The following SENP2 variants were observed in gnomAD, a reference collection of about 807,000 sequenced individuals.
SENP2 encodes the protein sentrin-specific protease 2.
A neutral mutation model predicts 86.3 loss-of-function variants in SENP2; 16 were observed. The observed-to-expected ratio is 0.19, with a 90% confidence interval of 0.13 to 0.28. The LOEUF (loss-of-function observed/expected upper bound fraction) is 0.28. Ranked by LOEUF, SENP2 falls within the 10% of genes least tolerant of loss-of-function variation. The pLI, the probability that SENP2 is intolerant of heterozygous loss-of-function variation, is 1.00. For missense variants in SENP2, 552 were observed against 703.0 expected (o/e 0.79, Z 2.43); for synonymous variants, 222 against 238.7 (o/e 0.93, Z 0.64).
In SENP2 at chr3:185,631,699, C is replaced by T. The variant is rs1355415934; in HGVS notation, c.*1855C>T. On this transcript the variant is annotated 3_prime_UTR_variant, in exon 17 of 17. Coordinates refer to ENST00000296257, the MANE Select transcript of SENP2 (RefSeq NM_021627.3). ...CAGGTAATGAGCACAGCCAAAAAGG[C>T]CAGAGGTTCACTAGGTCAGCATCAT... 7.8e-6 allele frequency: 1 copy of T among 128,190 alleles called. No individual in the cohort carries two copies. The highest frequency in any genetic ancestry group is 3.0e-5 in the African/African-American group (1 of 32,952). The allele number at this position is 128,190 out of a possible 1,614,324, so 7.9% of individuals were successfully genotyped here.
chr3:185,597,873 C>T (rs2148983178), intron 2 of SENP2, among the ~76,000 whole-genome samples: 1 of 151,970 alleles, frequency 6.6e-6, no homozygotes, highest in East Asian at 1.9e-4. Context: ...AGGCTGGTCT[C>T]CAACTCCTGA....
chr3:185,604,132 T>A (rs978200397), intron 5 of SENP2, among the ~76,000 whole-genome samples: 18 of 152,260 alleles, frequency 1.2e-4, no homozygotes, highest in African/African-American at 4.1e-4. Context: ...AAAAAATAAA[T>A]AAATAAATAA....
chr3:185,621,386 C>CTTTTT (rs1220771289), intron 13 of SENP2, among the ~76,000 whole-genome samples: 26 of 78,770 alleles, frequency 3.3e-4, no homozygotes, highest in Non-Finnish European at 4.2e-4. Context: ...TCTTTTTTTT[C>CTTTTT]TTTTTTTTTT....
intron 10 of SENP2, 70 bp downstream of exon 10, chr3:185,613,478 A>G: frequency 1.1e-6 from 1 of 911,552 alleles, no homozygotes; most frequent in Non-Finnish European, 1.8e-6. Context: ...GCCCATGAAA[A>G]GCAAGAAAAA....
rs1712524781 is a variant in SENP2 at position 185,632,408 on chromosome 3, T to A, written c.*2564T>A. 6.6e-6 allele frequency: 1 copy of A among 150,612 alleles called. No individual in the cohort carries two copies. Among genetic ancestry groups the A allele is most frequent in the Non-Finnish European group, 1.5e-5 (1 of 67,866 alleles). The allele number at this position is 150,612 out of a possible 1,614,324, so 9.3% of individuals were successfully genotyped here. A position where few individuals can be genotyped will look rare whatever the true frequency, so the allele number is the denominator to read the frequency against. ...CACCACCACACCCTGCTAATTTTTG[T>A]ACTTTTAGTAGAGATGGGGTTTCGC... On this transcript the variant is annotated 3_prime_UTR_variant, in exon 17 of 17. Coordinates refer to ENST00000296257, the MANE Select transcript of SENP2 (RefSeq NM_021627.3).
intron 13 of SENP2, among the ~76,000 whole-genome samples, chr3:185,621,095 T>C (rs1711845527): frequency 7.2e-6 from 1 of 138,330 alleles, no homozygotes; most frequent in Admixed American, 8.2e-5. Flanking sequence ...AGGTCGAGGC[T>C]GCAGTGAGCC....
chr3:185,600,882 G>A (rs762554615), intron 5 of SENP2, 27 bp downstream of exon 5: 1 of 1,498,816 alleles, frequency 6.7e-7, no homozygotes, highest in Non-Finnish European at 9.3e-7. Flanking sequence ...TTCTGTAAAT[G>A]GAAACTTAGC....
intron 2 of SENP2, among the ~76,000 whole-genome samples, chr3:185,593,020 AAGAT>A (rs1016334094): frequency 1.6e-4 from 24 of 152,184 alleles, no homozygotes; most frequent in Non-Finnish European, 2.9e-4. Flanking sequence ...TAAAAAAACA[AAGAT>A]AGTAACAAAA....
intron 2 of SENP2, among the ~76,000 whole-genome samples, chr3:185,594,817 C>T (rs931479243): frequency 5.3e-5 from 8 of 152,098 alleles, no homozygotes; most frequent in Admixed American, 2.0e-4. Flanking sequence ...CGGAGTTTCA[C>T]CATATTGGCC....
intron 1 of SENP2, among the ~76,000 whole-genome samples, chr3:185,587,752 T>TTTG (rs1721840463): frequency 7.1e-6 from 1 of 141,230 alleles, no homozygotes. Flanking sequence ...TTTTTTTTTT[T>TTTG]GAGACAGAGT....
At chr3:185,603,659 ATT>A (rs759859364) in intron 5 of SENP2, among the ~76,000 whole-genome samples, 1 of 152,180 alleles carries the variant, frequency 6.6e-6, no homozygotes, top group African/African-American at 2.4e-5. Context: ...AAGTTCCTGA[ATT>A]TGGTGATTAT....
intron 2 of SENP2, among the ~76,000 whole-genome samples, chr3:185,593,173 G>T (rs1722064445): frequency 1.3e-5 from 2 of 152,106 alleles, no homozygotes; most frequent in South Asian, 4.1e-4. Flanking sequence ...CTAGGCAGAG[G>T]GAATAGTATG....
At chr3:185,625,249 C>T (rs1712089026) in intron 15 of SENP2, among the ~76,000 whole-genome samples, 1 of 151,850 alleles carries the variant, frequency 6.6e-6, no homozygotes. Context: ...GTAGCTGGGA[C>T]CACAGGCGCC....
chr3:185,613,410 TA>T lies in SENP2; in HGVS notation c.933+4del. On this transcript the variant is annotated splice_donor_region_variant and intron_variant, in intron 10 of 16. Transcript: ENST00000296257. ...GGAATCAGATTTGAAAATGAAAGTG[TA>T]AGTAAAAATCCTAGTTACATTTGAT... is the stretch of plus-strand genomic sequence containing the variant. 1 of 1,575,452 alleles carries T rather than the reference TA, an allele frequency of 6.3e-7. No homozygotes were observed. Among genetic ancestry groups the T allele is most frequent in the Non-Finnish European group, 8.7e-7 (1 of 1,147,438 alleles).
chr3:185,629,686 A>G (rs112006815), intron 16 of SENP2, 96 bp from the exon 17 acceptor site: 74 of 1,192,022 alleles, frequency 6.2e-5, no homozygotes, highest in Non-Finnish European at 7.5e-5. Context: ...GAAAAAGCAC[A>G]TGGACATCCT....
At chr3:185,600,490 A>G (rs1401286137) in intron 4 of SENP2, among the ~76,000 whole-genome samples, 2 of 152,208 alleles carry the variant, frequency 1.3e-5, no homozygotes, top group South Asian at 2.1e-4. Context: ...TGAGTTCTTC[A>G]TGGCCTCTTA....
chr3:185,589,779 C>T (rs1721915880), intron 1 of SENP2, among the ~76,000 whole-genome samples: 1 of 152,164 alleles, frequency 6.6e-6, no homozygotes, highest in Admixed American at 6.6e-5. Flanking sequence ...AGTGATCCTC[C>T]TGCCTTAGTG....
chr3:185,615,419 C>T (rs1050877384), intron 11 of SENP2, among the ~76,000 whole-genome samples: 2 of 152,230 alleles, frequency 1.3e-5, no homozygotes, highest in African/African-American at 4.8e-5. Flanking sequence ...TCTTGGCTCA[C>T]TGCAACCTCT....
intron 2 of SENP2, 143 bp from the exon 3 acceptor site, chr3:185,598,269 G>T (rs1722239313): frequency 1.2e-6 from 1 of 835,952 alleles, no homozygotes; most frequent in Admixed American, 2.2e-5. Flanking sequence ...GCCTCCCAAA[G>T]TGTTGGGATT....
Sources: allele counts gnomAD v4.1 joint callset (sites outside exome capture counted in the v4.1 genomes callset), GRCh38; gene constraint gnomAD v4.1.1; transcripts MANE v1.5; gene names NCBI Gene and HGNC (gene_info 2026-07-23, HGNC 2026-07-21).